The following CCSER1 variants were observed in gnomAD, a reference collection of about 807,000 sequenced individuals.
The protein encoded by CCSER1 is serine-rich coiled-coil domain-containing protein 1.
Under a neutral mutation model 82.0 loss-of-function variants are expected in CCSER1, and 41 were observed. That is an observed-to-expected ratio of 0.50 (90% CI 0.39 to 0.65). The LOEUF (loss-of-function observed/expected upper bound fraction) is 0.65. Ranked by LOEUF, CCSER1 falls within the 30% of genes least tolerant of loss-of-function variation. CCSER1 has a pLI of 0.00. For missense variants in CCSER1, 1,119 were observed against 1,064.2 expected (o/e 1.05, Z -0.72); for synonymous variants, 414 against 383.9 (o/e 1.08, Z -0.92).
At chr4:91,297,764 C>T (rs931544798) in intron 10 of CCSER1, among the ~76,000 whole-genome samples, 1 of 151,538 alleles carries the variant, frequency 6.6e-6, no homozygotes, top group African/African-American at 2.4e-5. Context: ...AGACAGCCAA[C>T]CAACAAATGA....
intron 10 of CCSER1, among the ~76,000 whole-genome samples, chr4:91,523,638 T>A (rs1386601970): frequency 6.6e-6 from 1 of 152,088 alleles, no homozygotes; most frequent in African/African-American, 2.4e-5. Context: ...TCCTTTTCTT[T>A]TAGATTTTCT....
intron 1 of CCSER1, among the ~76,000 whole-genome samples, chr4:90,289,501 A>C (rs1730530755): frequency 6.6e-6 from 1 of 151,912 alleles, no homozygotes; most frequent in African/African-American, 2.4e-5. Flanking sequence ...TTTCACATGG[A>C]ATATAAGAGA....
chr4:91,469,392 TC>T (rs1757138041), intron 10 of CCSER1, among the ~76,000 whole-genome samples: 1 of 152,202 alleles, frequency 6.6e-6, no homozygotes, highest in African/African-American at 2.4e-5. Context: ...TATAATATTT[TC>T]CCTAATAATG....
rs1319270044 is a variant in CCSER1, at chr4:90,438,346, T to C, written c.1604-29888T>C. On this transcript the variant is annotated intron_variant, in intron 4 of 10. Coordinates refer to ENST00000509176, the MANE Select transcript of CCSER1 (RefSeq NM_001145065.2). Reference sequence around the variant, plus strand: ...TGGAGTAATTTTATTTTAAGGGTCATCACATTTTGACTAAGATCCTTTCAA... The same window carrying C: ...TGGAGTAATTTTATTTTAAGGGTCACCACATTTTGACTAAGATCCTTTCAA... Among the ~76,000 whole-genome samples the C allele has an allele frequency of 3.3e-5, 5 of 152,304 alleles. No homozygotes were observed. The East Asian group carries it at 9.6e-4, about 29-fold the overall frequency.
chr4:90,130,831 C>T (rs1168293289), intron 1 of CCSER1, among the ~76,000 whole-genome samples: 1 of 152,058 alleles, frequency 6.6e-6, no homozygotes, highest in African/African-American at 2.4e-5. Flanking sequence ...GCTATGTTGG[C>T]TAGGCTGGTC....
intron 8 of CCSER1, among the ~76,000 whole-genome samples, chr4:90,916,815 A>G (rs1032574610): frequency 3.3e-5 from 5 of 152,296 alleles, no homozygotes; most frequent in Middle Eastern, 3.4e-3. Flanking sequence ...ACAAATTTAC[A>G]AGAAAAAAAT....
At position 90,346,403 on chromosome 4, in the gene CCSER1, T is replaced by C. The variant is rs72881659; in HGVS notation, c.1509+33356T>C. ...GGTAATTTATATTTATTTTGTTTTG[T>C]GGCACTTTATATAATTATGTGATAT... On this transcript the variant is annotated intron_variant, in intron 3 of 10. Transcript: ENST00000509176. 8.8e-3 allele frequency among the ~76,000 whole-genome samples: 1,344 copies of C among 152,058 alleles called. 20 individuals carry two copies. Among genetic ancestry groups the C allele is most frequent in the African/African-American group, 0.03 (1,226 of 41,522 alleles).
intron 7 of CCSER1, among the ~76,000 whole-genome samples, chr4:90,786,238 A>G (rs1754500207): frequency 6.6e-6 from 1 of 152,216 alleles, no homozygotes; most frequent in South Asian, 2.1e-4. Context: ...AGAGGAGAAA[A>G]GGGCAATATT....
At chr4:90,791,819 C>CAAAA (rs35331482) in intron 7 of CCSER1, among the ~76,000 whole-genome samples, 21 of 126,008 alleles carry the variant, frequency 1.7e-4, no homozygotes, top group Admixed American at 9.1e-4. Context: ...GAGACTGTCT[C>CAAAA]AAAAAAAAAA....
At chr4:90,693,133 A>G (rs752813327) in intron 6 of CCSER1, among the ~76,000 whole-genome samples, 2 of 151,954 alleles carry the variant, frequency 1.3e-5, no homozygotes, top group Non-Finnish European at 2.9e-5. Context: ...CTGAGTCTTC[A>G]AATTCTCTCT....
At chr4:90,302,806 A>T (rs762843188) in intron 1 of CCSER1, among the ~76,000 whole-genome samples, 27 of 151,382 alleles carry the variant, frequency 1.8e-4, no homozygotes, top group Admixed American at 1.3e-3. Context: ...TTGTCTCCAA[A>T]AACAAAACAA....
At chr4:91,403,429 A>G (rs12503635) in intron 10 of CCSER1, among the ~76,000 whole-genome samples, 109,946 of 151,992 alleles carry the variant, frequency 0.72, 39,883 homozygotes, top group East Asian at 0.86. Context: ...TTGCAACATT[A>G]TGTTCAATAG....
Position 91,021,945 on chromosome 4 carries a change from G to A in CCSER1, c.2173-64005G>A, listed in dbSNP as rs150059375. On this transcript the variant is annotated intron_variant, in intron 9 of 10. Transcript: ENST00000509176. ...TATATAGGTATGGTATATTTCAAATGATTAAATTTTTCTAAACCTTGTAAT... is the reference window on the plus strand; with the variant it reads ...TATATAGGTATGGTATATTTCAAATAATTAAATTTTTCTAAACCTTGTAAT... Among the ~76,000 whole-genome samples the A allele has an allele frequency of 1.6e-3, 242 of 152,104 alleles. 1 individual carries two copies. Among genetic ancestry groups the A allele is most frequent in the African/African-American group, 5.8e-3 (240 of 41,516 alleles).
intron 9 of CCSER1, among the ~76,000 whole-genome samples, chr4:90,948,601 A>G (rs912641882): frequency 1.1e-4 from 16 of 152,156 alleles, no homozygotes; most frequent in South Asian, 2.1e-4. Flanking sequence ...GAATATATCA[A>G]TTCTCACTGT....
At chr4:90,515,558 G>T (rs1772155429) in intron 5 of CCSER1, among the ~76,000 whole-genome samples, 1 of 152,100 alleles carries the variant, frequency 6.6e-6, no homozygotes, top group African/African-American at 2.4e-5. Flanking sequence ...AGTTTTGATT[G>T]TGTCTTCATT....
rs190036137 is a variant in CCSER1 at position 90,494,522 on chromosome 4, A to T, written c.1724+26168A>T. Among the ~76,000 whole-genome samples, 32 of 152,128 alleles carry T rather than the reference A, an allele frequency of 2.1e-4. No individual in the cohort carries two copies. In the Middle Eastern group the frequency reaches 0.01, roughly 49 times the overall value. On this transcript the variant is annotated intron_variant, in intron 5 of 10. Transcript: ENST00000509176. ...CTGACTACATATTTGGAAGTAAAGC[A>T]CTCCTAAATTCTTGTTCTATCTCAT...
intron 10 of CCSER1, among the ~76,000 whole-genome samples, chr4:91,389,044 A>G (rs1181636815): frequency 2.0e-5 from 3 of 151,988 alleles, no homozygotes; most frequent in Non-Finnish European, 2.9e-5. Flanking sequence ...TTGGCTTCCA[A>G]TTCTTTTAAC....
chr4:91,414,378 A>T (rs1753231713), intron 10 of CCSER1, among the ~76,000 whole-genome samples: 1 of 152,114 alleles, frequency 6.6e-6, no homozygotes, highest in Non-Finnish European at 1.5e-5. Context: ...TAACACTAAG[A>T]TGTTTTATGT....
chr4:90,425,370 T>C (rs1197852969), intron 4 of CCSER1, among the ~76,000 whole-genome samples: 4 of 152,150 alleles, frequency 2.6e-5, no homozygotes, highest in African/African-American at 9.7e-5. Flanking sequence ...TTTTGTTATC[T>C]CTTCTGGACT....
Sources: allele counts gnomAD v4.1 joint callset (sites outside exome capture counted in the v4.1 genomes callset), GRCh38; gene constraint gnomAD v4.1.1; transcripts MANE v1.5; gene names NCBI Gene and HGNC (gene_info 2026-07-23, HGNC 2026-07-21).